The following NCKAP5 variants were observed in gnomAD, a reference collection of about 807,000 sequenced individuals.
NCKAP5 encodes nck-associated protein 5.
In NCKAP5, 92 loss-of-function variants were observed where a neutral mutation model predicts 167.0. The observed-to-expected ratio is 0.55, with a 90% CI of 0.47 to 0.66. NCKAP5 has a LOEUF of 0.66. Ranked by LOEUF, NCKAP5 falls within the 30% of genes least tolerant of loss-of-function variation. The probability of loss-of-function intolerance (pLI) is 0.00; values close to 1 mark genes in which losing one functional copy is unlikely to be tolerated. For synonymous variants in NCKAP5, 891 were observed against 877.4 expected, an observed-to-expected ratio of 1.02 and a Z score of -0.27; for missense variants, 2,378 against 2,315.0, an observed-to-expected ratio of 1.03 and a Z score of -0.56.
At chr2:132,973,481 T>C (rs1262878874) in intron 7 of NCKAP5, among the ~76,000 whole-genome samples, 2 of 152,174 alleles carry the variant, frequency 1.3e-5, no homozygotes, top group African/African-American at 4.8e-5. Flanking sequence ...TCTTCATCCA[T>C]AAAATAAAAT....
intron 19 of NCKAP5, among the ~76,000 whole-genome samples, chr2:132,721,139 C>G (rs1689879891): frequency 6.6e-6 from 1 of 152,106 alleles, no homozygotes; most frequent in Non-Finnish European, 1.5e-5. Flanking sequence ...GAAACCCCGT[C>G]TCTACTAAAA....
chr2:133,359,632 T>C (rs1684966431), intron 3 of NCKAP5, among the ~76,000 whole-genome samples: 1 of 152,214 alleles, frequency 6.6e-6, no homozygotes, highest in African/African-American at 2.4e-5. Flanking sequence ...TGAAGCACTT[T>C]AGTGCAACCA....
At chr2:133,112,358 T>C (rs1041162452) in intron 6 of NCKAP5, among the ~76,000 whole-genome samples, 3 of 152,008 alleles carry the variant, frequency 2.0e-5, no homozygotes, top group South Asian at 2.1e-4. Flanking sequence ...CCTGTAGTCC[T>C]GGCTACTCGG....
chr2:133,571,381 G>T (rs1259954195), upstream of NCKAP5, among the ~76,000 whole-genome samples: 1 of 152,024 alleles, frequency 6.6e-6, no homozygotes, highest in African/African-American at 2.4e-5. Flanking sequence ...GGGAGGGAAA[G>T]GCCATCCTCA....
chr2:133,659,609 C>T, the NCKAP5 span, among the ~76,000 whole-genome samples: 5 of 152,076 alleles, frequency 3.3e-5, no homozygotes, highest in Non-Finnish European at 7.4e-5. Flanking sequence ...CTGAAAAGGG[C>T]TTAGTATTCA....
chr2:133,123,235 G>C (rs533259023), intron 6 of NCKAP5: 2 of 152,388 alleles, frequency 1.3e-5, no homozygotes, highest in African/African-American at 4.8e-5. Flanking sequence ...AAACAATAAA[G>C]TAATGTTCAG....
intron 6 of NCKAP5, among the ~76,000 whole-genome samples, chr2:133,009,932 G>A (rs113245737): frequency 0.038 from 5,825 of 152,050 alleles, 145 homozygotes; most frequent in East Asian, 0.076. Flanking sequence ...TTAGCAGGGC[G>A]TGGTGGCGGG....
intron 3 of NCKAP5, among the ~76,000 whole-genome samples, chr2:133,476,570 C>A (rs1004826160): frequency 6.6e-6 from 1 of 152,200 alleles, no homozygotes; most frequent in African/African-American, 2.4e-5. Flanking sequence ...CCTGCCTTCA[C>A]TTTTCAGGAG....
chr2:133,263,884 A>G (rs934944231), intron 4 of NCKAP5, among the ~76,000 whole-genome samples: 16 of 152,228 alleles, frequency 1.1e-4, no homozygotes, highest in African/African-American at 3.9e-4. Flanking sequence ...TCAAGTAAAT[A>G]TATGCTAGAA....
At chr2:133,244,159 C>T (rs765099486) in intron 4 of NCKAP5, among the ~76,000 whole-genome samples, 1 of 152,084 alleles carries the variant, frequency 6.6e-6, no homozygotes, top group South Asian at 2.1e-4. Flanking sequence ...ATTTCCTTCA[C>T]TATATTTAAA....
intron 6 of NCKAP5, among the ~76,000 whole-genome samples, chr2:133,067,186 A>G (rs1244866563): frequency 2.0e-5 from 3 of 152,042 alleles, no homozygotes; most frequent in African/African-American, 7.2e-5. Flanking sequence ...TTTTATAGGT[A>G]CTGTTCAATA....
intron 2 of NCKAP5, among the ~76,000 whole-genome samples, chr2:133,545,478 A>C (rs992363797): frequency 2.6e-5 from 4 of 152,118 alleles, no homozygotes; most frequent in African/African-American, 7.2e-5. Flanking sequence ...ACCTCTAAAA[A>C]TATGCATATT....
chr2:133,163,360 T>C (rs973230752), intron 5 of NCKAP5, among the ~76,000 whole-genome samples: 2 of 152,210 alleles, frequency 1.3e-5, no homozygotes, highest in African/African-American at 2.4e-5. Context: ...CAAATCTCTG[T>C]TGATGTCATT....
chr2:132,881,664 C>T (rs1436982512), intron 8 of NCKAP5, among the ~76,000 whole-genome samples: 14 of 150,646 alleles, frequency 9.3e-5, no homozygotes, highest in African/African-American at 3.2e-4. Context: ...AAACAGTGCA[C>T]AGGCAATGCT....
intron 6 of NCKAP5, among the ~76,000 whole-genome samples, chr2:133,023,371 T>A (rs544395123): frequency 1.3e-5 from 2 of 152,384 alleles, no homozygotes; most frequent in South Asian, 2.1e-4. Context: ...TCTATTATAA[T>A]GTTCTTACAT....
chr2:133,222,070 C>A (rs2086683166), intron 4 of NCKAP5, among the ~76,000 whole-genome samples: 1 of 152,080 alleles, frequency 6.6e-6, no homozygotes, highest in South Asian at 2.1e-4. Context: ...TATACTTAAA[C>A]CTCAGAGAAT....
chr2:133,015,394 A>G (rs1185418696), intron 6 of NCKAP5, among the ~76,000 whole-genome samples: 1 of 151,808 alleles, frequency 6.6e-6, no homozygotes, highest in Non-Finnish European at 1.5e-5. Context: ...CTGACTTTTC[A>G]TTTTTTGGTC....
intron 7 of NCKAP5, among the ~76,000 whole-genome samples, chr2:132,973,317 C>G (rs928288968): frequency 1.3e-5 from 2 of 152,204 alleles, no homozygotes; most frequent in Non-Finnish European, 2.9e-5. Flanking sequence ...TCACTAGGAT[C>G]TAAAAGTCTA....
At chr2:133,465,736 G>C (rs1692531237) in intron 3 of NCKAP5, among the ~76,000 whole-genome samples, 1 of 152,158 alleles carries the variant, frequency 6.6e-6, no homozygotes, top group South Asian at 2.1e-4. Context: ...TTGTGGTTTT[G>C]ATTTGCATTT....
Sources: allele counts gnomAD v4.1 joint callset (sites outside exome capture counted in the v4.1 genomes callset), GRCh38; gene constraint gnomAD v4.1.1; transcripts MANE v1.5; gene names NCBI Gene and HGNC (gene_info 2026-07-23, HGNC 2026-07-21).